Variants in BLTP1 observed in about 807,000 individuals in gnomAD.
BLTP1 encodes fragile site-associated protein.
chr4:122,334,546 G>GT, the BLTP1 span: 1 of 1,611,780 alleles, frequency 6.2e-7, no homozygotes, highest in Non-Finnish European at 8.5e-7. Flanking sequence ...ATTCCTGCAG[G>GT]TATTTAAGGA....
the BLTP1 span, chr4:122,318,093 C>CA: frequency 6.5e-7 from 1 of 1,536,384 alleles, no homozygotes; most frequent in Non-Finnish European, 8.8e-7. Context: ...AGTAAAAAAT[C>CA]AGTCTTACTT....
the BLTP1 span, chr4:122,344,261 C>T: frequency 1.8e-6 from 2 of 1,131,054 alleles, no homozygotes; most frequent in South Asian, 2.0e-5. Context: ...AAATTTTTAC[C>T]TCAAGTGATT....
chr4:122,348,646 TGTC>T, the BLTP1 span: 1 of 1,612,418 alleles, frequency 6.2e-7, no homozygotes, highest in Non-Finnish European at 8.5e-7. Flanking sequence ...GGGAAACACT[TGTC>T]GTGTTTGCTA....
chr4:122,169,959 G>C, the BLTP1 span: 1 of 985,142 alleles, frequency 1.0e-6, no homozygotes, highest in Non-Finnish European at 1.2e-6. Context: ...AAGTCTGGAT[G>C]AATTTGTTTA....
chr4:122,221,008 T>G, the BLTP1 span: 1 of 751,252 alleles, frequency 1.3e-6, no homozygotes, highest in South Asian at 6.0e-5. Context: ...ATTATAATTT[T>G]ATTATTTTTT....
the BLTP1 span, chr4:122,208,545 T>C: frequency 2.1e-6 from 2 of 946,980 alleles, no homozygotes; most frequent in African/African-American, 1.8e-5. Context: ...AATAAAAATA[T>C]AGAACATAGT....
the BLTP1 span, chr4:122,188,808 G>A: frequency 3.8e-6 from 1 of 266,076 alleles, no homozygotes; most frequent in African/African-American, 2.3e-5. Context: ...TCAGTACAGT[G>A]TCTCAGCTTT....
At chr4:122,347,842 T>G in the BLTP1 span, 1 of 1,182,492 alleles carries the variant, frequency 8.5e-7, no homozygotes, top group Non-Finnish European at 1.2e-6. Flanking sequence ...TCTTAGTTAC[T>G]CTCAGATTTC....
chr4:122,193,170 C>T, the BLTP1 span, among the ~76,000 whole-genome samples: 6 of 152,106 alleles, frequency 3.9e-5, no homozygotes, highest in Non-Finnish European at 7.3e-5. Context: ...TCTTAAGACC[C>T]CATCTCCAAA....
the BLTP1 span, chr4:122,167,583 T>C: frequency 7.3e-6 from 6 of 826,528 alleles, no homozygotes; most frequent in African/African-American, 1.1e-4. Flanking sequence ...TGGCCATGGA[T>C]GTTCTTCTCC....
chr4:122,271,581 ACT>A, the BLTP1 span: 6 of 1,613,526 alleles, frequency 3.7e-6, no homozygotes, highest in Non-Finnish European at 5.1e-6. Flanking sequence ...CATATGGATG[ACT>A]CTGATTCAAT....
At chr4:122,353,339 T>G in the BLTP1 span, 1 of 690,818 alleles carries the variant, frequency 1.4e-6, no homozygotes, top group African/African-American at 1.9e-5. The surrounding 1 kb of genome is among the most constrained non-coding windows in gnomAD (Gnocchi z 4.3). Flanking sequence ...GCCATCTTAC[T>G]CCATGTTTCT....
At chr4:122,343,623 T>C in the BLTP1 span, 30 of 1,610,028 alleles carry the variant, frequency 1.9e-5, no homozygotes, top group African/African-American at 3.7e-4. Flanking sequence ...ATACTTTGCA[T>C]GTTTATGTCT....
chr4:122,353,685 CT>C, the BLTP1 span: 1 of 1,110,528 alleles, frequency 9.0e-7, no homozygotes, highest in African/African-American at 1.6e-5. The surrounding 1 kb of genome is among the most constrained non-coding windows in gnomAD (Gnocchi z 4.3). Context: ...GGTTTTTATC[CT>C]CATTTATTCT....
chr4:122,228,418 A>G, the BLTP1 span, among the ~76,000 whole-genome samples: 1 of 152,226 alleles, frequency 6.6e-6, no homozygotes, highest in African/African-American at 2.4e-5. Flanking sequence ...TCAGGCAACT[A>G]CTGATCTCCA....
the BLTP1 span, among the ~76,000 whole-genome samples, chr4:122,275,435 TA>T: frequency 6.6e-6 from 1 of 152,122 alleles, no homozygotes. Context: ...CTGAAAGTCA[TA>T]GACCATGGAT....
At chr4:122,269,756 A>G in the BLTP1 span, 1 of 870,690 alleles carries the variant, frequency 1.1e-6, no homozygotes, top group Non-Finnish European at 1.4e-6. Flanking sequence ...CTAAACATTT[A>G]GCATTGAGTC....
the BLTP1 span, chr4:122,280,250 G>T: frequency 5.3e-6 from 5 of 948,326 alleles, no homozygotes; most frequent in Non-Finnish European, 6.3e-6. Flanking sequence ...GGTATTGTAA[G>T]AGGTACTAAT....
At chr4:122,155,051 CAT>C in the BLTP1 span, 9 of 483,064 alleles carry the variant, frequency 1.9e-5, no homozygotes, top group Non-Finnish European at 2.4e-5. Context: ...TATTGAGTAT[CAT>C]GTGTCAGACA....
Sources: gnomAD v4.1 joint callset for allele counts (sites outside exome capture counted in the v4.1 genomes callset) on GRCh38, gnomAD v4.1.1 for gene constraint, Gnocchi (gnomAD v3.1) non-coding constraint, MANE v1.5 for transcripts, NCBI Gene and HGNC (gene_info 2026-07-23, HGNC 2026-07-21) for gene names.